Variants in CEP128 observed in about 807,000 individuals in gnomAD.
CEP128 encodes the protein centrosomal protein 128.
A neutral mutation model predicts 156.7 loss-of-function variants in CEP128; 132 were observed. The ratio of observed to expected loss-of-function variants is 0.84; its 90% CI spans 0.73 to 0.97. The LOEUF (loss-of-function observed/expected upper bound fraction) is 0.97, where lower values mean the gene tolerates loss of function less well. Ranked by LOEUF, CEP128 falls within the 50% of genes least tolerant of loss-of-function variation. The pLI is 0.00. For missense variants in CEP128, 1,252 were observed against 1,281.9 expected, an observed-to-expected ratio of 0.98 and a Z score of 0.36; for synonymous variants, 469 against 448.9, an observed-to-expected ratio of 1.04 and a Z score of -0.57.
intron 19 of CEP128, among the ~76,000 whole-genome samples, chr14:80,602,287 T>C (rs1219811957): frequency 1.3e-5 from 2 of 152,094 alleles, no homozygotes; most frequent in Non-Finnish European, 1.5e-5. Context: ...ACTTTCAATA[T>C]AGGATAGAAC....
intron 19 of CEP128, among the ~76,000 whole-genome samples, chr14:80,699,640 GATAATACACAGAGAGATTAAACCT>G (rs1897004420): frequency 9.3e-6 from 1 of 107,532 alleles, no homozygotes; most frequent in Non-Finnish European, 1.9e-5. Flanking sequence ...CTACATCACT[GATAATACACAGAGAGATTAAACCT>G]ATTAAACCTG....
chr14:80,491,287 G>GA (rs1367575751), intron 6 of CEP128, among the ~76,000 whole-genome samples: 2 of 152,212 alleles, frequency 1.3e-5, no homozygotes, highest in Non-Finnish European at 2.9e-5. Flanking sequence ...TCAAAGCACA[G>GA]AATGAACCTT....
chr14:80,704,813 C>G (rs1302549414), intron 19 of CEP128, among the ~76,000 whole-genome samples: 1 of 151,948 alleles, frequency 6.6e-6, no homozygotes, highest in Non-Finnish European at 1.5e-5. Flanking sequence ...CTTTCTCCCT[C>G]TTGCCTCGTT....
intron 2 of CEP128, among the ~76,000 whole-genome samples, chr14:80,926,305 T>C (rs1885141404): frequency 6.6e-6 from 1 of 152,138 alleles, no homozygotes; most frequent in Non-Finnish European, 1.5e-5. Flanking sequence ...AGCTAGCTAC[T>C]GCTAGCACAA....
chr14:80,769,305 T>G (rs568753830), intron 16 of CEP128, among the ~76,000 whole-genome samples: 1 of 152,136 alleles, frequency 6.6e-6, no homozygotes, highest in Admixed American at 6.5e-5. Flanking sequence ...ATACTTTAAG[T>G]TCTAGGGTAC....
At chr14:80,519,339 G>A (rs1888631110) in intron 23 of CEP128, among the ~76,000 whole-genome samples, 1 of 152,176 alleles carries the variant, frequency 6.6e-6, no homozygotes, top group African/African-American at 2.4e-5. Flanking sequence ...TTGCTAAGCT[G>A]ATCTCTAATG....
chr14:80,862,826 C>T lies in CEP128; in HGVS notation c.693G>A (p.Met231Ile). The change falls in exon 9 of 25, where the codon ATG (methionine) becomes ATA (isoleucine). Residue 231 changes from methionine to isoleucine, a missense_variant. Coordinates refer to ENST00000555265, the MANE Select transcript of CEP128 (RefSeq NM_152446.5). The part of the protein sequence containing the change: ...ERRLQELERE[M>I]RTERELVERR... ...TTTCCACCAGCTCCCTTTCTGTGCG[C>T]ATCTCTCTCTCCAGTTCCTGAAGCC... The T allele has an allele frequency of 1.2e-6, 2 of 1,614,104 alleles. No individual in the cohort carries two copies. Among genetic ancestry groups the T allele is most frequent in the Non-Finnish European group, 1.7e-6 (2 of 1,179,988 alleles).
Position 80,831,155 on chromosome 14 carries a change from T to A in CEP128, c.1197A>T (p.Ala399=), listed in dbSNP as rs1282235547. ...AGAGCAAAGTCACCTCTACTTGTGA[T>A]GCCAAATGTGCTTTCTCCTTGTCTT... ...ERKDKEKAHL[A]SQVENLTREL... Residue 399 remains alanine (A), a synonymous_variant, in exon 13 of 25, where the codon GCA becomes GCT. Coordinates refer to ENST00000555265, the MANE Select transcript of CEP128 (RefSeq NM_152446.5). 1 of 1,614,030 alleles carries A rather than the reference T, an allele frequency of 6.2e-7. No individual in the cohort carries two copies. The highest frequency in any genetic ancestry group is 1.3e-5 in the African/African-American group (1 of 75,052).
At chr14:80,818,826 C>T (rs776955862) in intron 13 of CEP128, among the ~76,000 whole-genome samples, 14 of 152,186 alleles carry the variant, frequency 9.2e-5, no homozygotes, top group Non-Finnish European at 1.8e-4. Context: ...AGATTTTCAA[C>T]CAGAAAATAT....
chr14:80,771,352 T>C (rs1297935994), intron 16 of CEP128, among the ~76,000 whole-genome samples: 25 of 152,226 alleles, frequency 1.6e-4, no homozygotes, highest in Admixed American at 1.6e-3. Context: ...CATGTTTCTA[T>C]GCAGTGTTGA....
At chr14:80,717,505 G>A (rs1396342156) in intron 19 of CEP128, among the ~76,000 whole-genome samples, 1 of 152,100 alleles carries the variant, frequency 6.6e-6, no homozygotes, top group Admixed American at 6.6e-5. Context: ...TCTTCCATGA[G>A]CATCAGAAGG....
chr14:80,756,835 A>G, intron 18 of CEP128, 57 bp downstream of exon 18: 1 of 1,144,120 alleles, frequency 8.7e-7, no homozygotes, highest in South Asian at 1.3e-5. Context: ...TAAACCAAAT[A>G]GGATGGCTTA....
chr14:80,642,329 G>A (rs1312990814), intron 19 of CEP128, among the ~76,000 whole-genome samples: 4 of 152,130 alleles, frequency 2.6e-5, no homozygotes, highest in Admixed American at 1.3e-4. Flanking sequence ...TAGAACATGG[G>A]ATGTGTAATT....
At chr14:80,849,624 C>A (rs1281795592) in intron 9 of CEP128, among the ~76,000 whole-genome samples, 2 of 152,026 alleles carry the variant, frequency 1.3e-5, no homozygotes, top group Non-Finnish European at 2.9e-5. Context: ...AATACCACAA[C>A]TTTAATATTT....
At chr14:80,734,263 A>G (rs1295100516) in intron 19 of CEP128, among the ~76,000 whole-genome samples, 1 of 152,194 alleles carries the variant, frequency 6.6e-6, no homozygotes, top group African/African-American at 2.4e-5. Context: ...AAAGAATATA[A>G]TAATGAATAC....
At chr14:80,572,652 C>A (rs1891191201) in intron 20 of CEP128, among the ~76,000 whole-genome samples, 1 of 152,040 alleles carries the variant, frequency 6.6e-6, no homozygotes, top group African/African-American at 2.4e-5. Flanking sequence ...CAAAAACTCC[C>A]AGATAAACTT....
rs1003875266 is a variant in CEP128, at chr14:80,675,795, T to C, written c.2806+67280A>G. Among the ~76,000 whole-genome samples, 5 of 152,070 alleles carry C rather than the reference T, an allele frequency of 3.3e-5. No homozygotes were observed. In the South Asian group the frequency reaches 1.0e-3, roughly 31 times the overall value. ...ACTTTTAAATATTTTCCCATATGGA[T>C]AAAATTTTTCCCTACCCACTTACTG... is the stretch of plus-strand genomic sequence containing the variant. On this transcript the variant is annotated intron_variant, in intron 19 of 24. Transcript: ENST00000555265.
At position 80,917,809 on chromosome 14, in the gene CEP128, G is replaced by A. The variant is rs576097666; in HGVS notation, c.-15-1247C>T. Among the ~76,000 whole-genome samples, 631 of 152,324 alleles carry A rather than the reference G, an allele frequency of 4.1e-3. 10 individuals are homozygous for A. The highest frequency in any genetic ancestry group is 0.015 in the African/African-American group (607 of 41,572). On this transcript the variant is annotated intron_variant, in intron 2 of 24. Coordinates refer to ENST00000555265, the MANE Select transcript of CEP128 (RefSeq NM_152446.5). ...ACATGTCCTAAAGCATTTAATGAAAGCAACTGTGTTTTTAAAATATTGGAT... is the reference window on the plus strand; with the variant it reads ...ACATGTCCTAAAGCATTTAATGAAAACAACTGTGTTTTTAAAATATTGGAT...
intron 19 of CEP128, among the ~76,000 whole-genome samples, chr14:80,673,410 G>A (rs1037491379): frequency 6.6e-6 from 1 of 151,612 alleles, no homozygotes; most frequent in Non-Finnish European, 1.5e-5. Flanking sequence ...TTGGGAGGCC[G>A]AGGCGGGCGG....
Sources: allele counts gnomAD v4.1 joint callset (sites outside exome capture counted in the v4.1 genomes callset), GRCh38; gene constraint gnomAD v4.1.1; transcripts MANE v1.5; gene names NCBI Gene and HGNC (gene_info 2026-07-23, HGNC 2026-07-21).